The following ASMT variants were observed in gnomAD, a reference collection of about 807,000 sequenced individuals.
ASMT encodes acetylserotonin O-methyltransferase, also known as acetylserotonin N-methyltransferase.
A neutral mutation model predicts 41.3 loss-of-function variants in ASMT; 53 were observed. The ratio of observed to expected loss-of-function variants is 1.28; its 90% CI spans 1.03 to 1.61. The LOEUF (loss-of-function observed/expected upper bound fraction) is 1.61. Ranked by LOEUF, ASMT falls within the 40% of genes most tolerant of loss-of-function variation. The pLI, the probability that ASMT is intolerant of heterozygous loss-of-function variation, is 0.00. For missense variants in ASMT, 531 were observed against 441.3 expected, an observed-to-expected ratio of 1.20 and a Z score of -1.82; for synonymous variants, 231 against 184.8, an observed-to-expected ratio of 1.25 and a Z score of -2.03.
chrX:1,623,204 C>T lies in ASMT; in HGVS notation c.135C>T (p.Asp45=), dbSNP rs202194252. ...DLLAEAPGPL[D]VAAVAAGVRA... is the part of the protein sequence containing the mutation. ...TCGCCGAGGCCCCAGGGCCCCTGGA[C>T]GTGGCGGCAGTGGCTGCAGGTGTGA... The change falls in exon 2 of 9, where the codon GAC becomes GAT. Residue 45 remains aspartate (D), a synonymous_variant. Coordinates refer to ENST00000381241, the MANE Select transcript of ASMT (RefSeq NM_001171038.2). The T allele has an allele frequency of 4.1e-5, 66 of 1,613,460 alleles. No individual in the cohort carries two copies. Among genetic ancestry groups the T allele is most frequent in the Middle Eastern group, 1.8e-4 (1 of 5,708 alleles).
rs1401380862 is a variant in ASMT at position 1,630,038 on chromosome X, G to C, written c.562+99G>C. Reference sequence around the variant, plus strand: ...TTTATTTTCTGCATTCTGATGCTTTGACATGTGCGGCCTTACTGGTCTTAG... The same window carrying C: ...TTTATTTTCTGCATTCTGATGCTTTCACATGTGCGGCCTTACTGGTCTTAG... On this transcript the variant is annotated intron_variant, in intron 5 of 8. Coordinates refer to ENST00000381241, the MANE Select transcript of ASMT (RefSeq NM_001171038.2). 11 of 1,103,218 alleles carry C rather than the reference G, an allele frequency of 1.0e-5. No individual in the cohort carries two copies. In the African/African-American group the frequency reaches 1.2e-4, roughly 12 times the overall value. The allele number at this position is 1,103,218 out of a possible 1,614,324, so 68.3% of individuals were successfully genotyped here. A position where few individuals can be genotyped will look rare whatever the true frequency, so the allele number is the denominator to read the frequency against.
intron 3 of ASMT, among the ~76,000 whole-genome samples, chrX:1,625,552 G>GGGAGGGAGGGAGGGAAAGGGGA (rs1934505149): frequency 3.2e-5 from 3 of 93,040 alleles, no homozygotes; most frequent in African/African-American, 7.9e-5. Flanking sequence ...AAGGGAGGGA[G>GGGAGGGAGGGAGGGAAAGGGGA]GGAGGGAGGG....
In ASMT at chrX:1,624,256, G is replaced by T. The variant is rs776593412; in HGVS notation, c.245-13G>T. 2.0e-5 allele frequency: 32 copies of T among 1,613,662 alleles called. No individual in the cohort carries two copies. Among genetic ancestry groups the T allele is most frequent in the Non-Finnish European group, 2.6e-5 (31 of 1,179,820 alleles). On this transcript the variant is annotated splice_polypyrimidine_tract_variant and intron_variant, in intron 2 of 8. Transcript: ENST00000381241. Reference sequence around the variant, plus strand: ...CTCACTGCTTTTTCCCTGTTTTTTTGTGTGTGTTTCAGCTTTCTATCGAAA... The same window carrying T: ...CTCACTGCTTTTTCCCTGTTTTTTTTTGTGTGTTTCAGCTTTCTATCGAAA...
chrX:1,631,459 C>G (rs1258595304), intron 5 of ASMT, among the ~76,000 whole-genome samples: 1 of 152,142 alleles, frequency 6.6e-6, no homozygotes, highest in Non-Finnish European at 1.5e-5. Flanking sequence ...CCCACCCTAT[C>G]TCCCTCCTGT....
Position 1,625,689 on chromosome X carries a change from C to T in ASMT, c.374+1291C>T, listed in dbSNP as rs1272141318. ...TGTCTGGGTGGCCGGACGCAGTAGC[C>T]CATGCCGGTAATCCCAGCACTTTGG... On this transcript the variant is annotated intron_variant, in intron 3 of 8. Coordinates refer to ENST00000381241, the MANE Select transcript of ASMT (RefSeq NM_001171038.2). Among the ~76,000 whole-genome samples, 16 of 151,636 alleles carry T rather than the reference C, an allele frequency of 1.1e-4. No individual in the cohort carries two copies. In the South Asian group the frequency reaches 1.5e-3, roughly 14 times the overall value.
Position 1,633,072 on chromosome X carries a change from G to T in ASMT, c.647-78G>T, listed in dbSNP as rs1349456757. The T allele has an allele frequency of 2.2e-5, 34 of 1,574,172 alleles. No homozygotes were observed. In the East Asian group the frequency reaches 6.3e-4, roughly 29 times the overall value. On this transcript the variant is annotated intron_variant, in intron 6 of 8. Coordinates refer to ENST00000381241, the MANE Select transcript of ASMT (RefSeq NM_001171038.2). ...CAAGTTCCTGGGTTGGACCCTTCAT[G>T]AGTCCATGGTGTGTGGAGGGTGAGC...
chrX:1,616,115 G>T (rs113117525), intron 1 of ASMT, among the ~76,000 whole-genome samples: 2 of 149,328 alleles, frequency 1.3e-5, no homozygotes, highest in Non-Finnish European at 2.9e-5. Flanking sequence ...TGCAACCTCC[G>T]CCTCCAGGGT....
At chrX:1,628,615 C>G (rs55711250) in intron 4 of ASMT, among the ~76,000 whole-genome samples, 43,748 of 148,028 alleles carry the variant, frequency 0.3, 6,507 homozygotes, top group Middle Eastern at 0.42. Flanking sequence ...CCCCTCTCTT[C>G]TCCTTCTGTC....
chrX:1,620,438 G>A (rs1374304851), intron 1 of ASMT, among the ~76,000 whole-genome samples: 1 of 151,874 alleles, frequency 6.6e-6, no homozygotes, highest in Non-Finnish European at 1.5e-5. Flanking sequence ...AAAGTGCTGG[G>A]ATGACAGGTG....
chrX:1,622,083 C>T (rs765268988), intron 1 of ASMT, among the ~76,000 whole-genome samples: 1 of 151,778 alleles, frequency 6.6e-6, no homozygotes, highest in South Asian at 2.1e-4. Context: ...ACCTCTGCCT[C>T]CCGGGTTTAC....
chrX:1,627,633 C>CGAAATGAAACGAAATGAAAT (rs1934602317), intron 3 of ASMT, 70 bp from the exon 4 acceptor site: 8 of 1,199,430 alleles, frequency 6.7e-6, no homozygotes, highest in Middle Eastern at 2.2e-4. Flanking sequence ...CGAAATGAAA[C>CGAAATGAAACGAAATGAAAT]GAAATGAAAT....
intron 7 of ASMT, 109 bp downstream of exon 7, chrX:1,633,399 G>A (rs1476107794): frequency 1.2e-4 from 164 of 1,339,052 alleles, no homozygotes; most frequent in Non-Finnish European, 1.7e-4. Context: ...TCTCACTCCC[G>A]GAAACACCCT....
intron 1 of ASMT, among the ~76,000 whole-genome samples, chrX:1,616,765 A>C (rs74875462): frequency 2.7e-5 from 4 of 150,656 alleles, no homozygotes; most frequent in African/African-American, 4.9e-5. Flanking sequence ...CTGGAGTGCA[A>C]TGGCACGATC....
At position 1,616,930 on chromosome X, in the gene ASMT, G is replaced by A. The variant is rs753806888; in HGVS notation, c.69+1662G>A. On this transcript the variant is annotated intron_variant, in intron 1 of 8. Transcript: ENST00000381241. ...TCACCGTGTTAGCCAGGATGGTCTC[G>A]ATCTCCTGACCTCATGATCCGCCCG... Among the ~76,000 whole-genome samples the A allele has an allele frequency of 8.6e-4, 131 of 151,652 alleles. 2 individuals are homozygous for A. The South Asian group carries it at 0.016, about 18-fold the overall frequency.
chrX:1,620,988 C>T (rs761300891), intron 1 of ASMT, among the ~76,000 whole-genome samples: 11 of 151,918 alleles, frequency 7.2e-5, no homozygotes, highest in South Asian at 6.3e-4. Context: ...CACAGCTACT[C>T]GGGAGGCTGG....
At chrX:1,618,076 T>C (rs2149459758) in intron 1 of ASMT, among the ~76,000 whole-genome samples, 2 of 152,310 alleles carry the variant, frequency 1.3e-5, no homozygotes, top group Admixed American at 1.3e-4. Flanking sequence ...CCTACGGGGT[T>C]CAAGCGATTC....
chrX:1,629,597 G>A (rs1394516329), intron 4 of ASMT, among the ~76,000 whole-genome samples: 2 of 152,082 alleles, frequency 1.3e-5, no homozygotes, highest in African/African-American at 2.4e-5. Context: ...GAGAACAATC[G>A]TCCGTTCTGA....
chrX:1,622,093 C>T (rs190429204), intron 1 of ASMT, among the ~76,000 whole-genome samples: 22 of 148,244 alleles, frequency 1.5e-4, no homozygotes, highest in East Asian at 1.4e-3. Flanking sequence ...CCCGGGTTTA[C>T]GCCATTCTCC....
intron 7 of ASMT, among the ~76,000 whole-genome samples, chrX:1,634,565 G>A (rs1934889158): frequency 2.0e-5 from 3 of 152,136 alleles, no homozygotes; most frequent in African/African-American, 7.2e-5. Flanking sequence ...TGTGAGGTAG[G>A]ACATTCTTAG....
Sources: allele counts gnomAD v4.1 joint callset (sites outside exome capture counted in the v4.1 genomes callset), GRCh38; gene constraint gnomAD v4.1.1; transcripts MANE v1.5; gene names NCBI Gene and HGNC (gene_info 2026-07-23, HGNC 2026-07-21).